The following CDH18 variants were observed in gnomAD, a reference collection of about 807,000 sequenced individuals.
CDH18 encodes cadherin 18.
A neutral mutation model predicts 67.9 loss-of-function variants in CDH18; 31 were observed. The ratio of observed to expected loss-of-function variants is 0.46; its 90% CI spans 0.34 to 0.62. The LOEUF is 0.62. Ranked by LOEUF, CDH18 falls within the 20% of genes least tolerant of loss-of-function variation. The pLI is 0.01. For synonymous variants in CDH18, 362 were observed against 347.2 expected, an observed-to-expected ratio of 1.04 and a Z score of -0.48; for missense variants, 890 against 975.5, an observed-to-expected ratio of 0.91 and a Z score of 1.17.
At chr5:20,418,882 G>A (rs1350056519) in intron 1 of CDH18, among the ~76,000 whole-genome samples, 5 of 152,048 alleles carry the variant, frequency 3.3e-5, no homozygotes, top group Non-Finnish European at 7.4e-5. Context: ...TGAGGGTTGA[G>A]CCCTCATGAA....
At chr5:19,704,312 G>C (rs750320107) in intron 5 of CDH18, among the ~76,000 whole-genome samples, 1 of 152,154 alleles carries the variant, frequency 6.6e-6, no homozygotes, top group Non-Finnish European at 1.5e-5. Context: ...AGTTTGTAAA[G>C]CTCCTGAAGT....
intron 1 of CDH18, among the ~76,000 whole-genome samples, chr5:20,422,435 T>C (rs938260551): frequency 6.6e-6 from 1 of 151,030 alleles, no homozygotes; most frequent in Non-Finnish European, 1.5e-5. Flanking sequence ...TATTAATCTT[T>C]ATAGCCAGGT....
At chr5:19,622,203 T>C (rs1750821067) in intron 5 of CDH18, among the ~76,000 whole-genome samples, 1 of 152,118 alleles carries the variant, frequency 6.6e-6, no homozygotes, top group Non-Finnish European at 1.5e-5. Flanking sequence ...GTCCGCATTG[T>C]AGGGAATTTC....
chr5:20,069,077 A>C (rs1743219402), intron 2 of CDH18, among the ~76,000 whole-genome samples: 1 of 152,114 alleles, frequency 6.6e-6, no homozygotes, highest in African/African-American at 2.4e-5. Flanking sequence ...TTTTCCAGTC[A>C]CATTATTGTT....
At chr5:19,790,898 A>G (rs564325554) in intron 3 of CDH18, among the ~76,000 whole-genome samples, 6 of 152,250 alleles carry the variant, frequency 3.9e-5, no homozygotes, top group African/African-American at 1.2e-4. Context: ...AAGACTCACT[A>G]ACAGAGTGGG....
intron 2 of CDH18, among the ~76,000 whole-genome samples, chr5:20,192,443 G>C (rs528286557): frequency 6.6e-6 from 1 of 152,076 alleles, no homozygotes; most frequent in East Asian, 1.9e-4. Context: ...TGTCCTGAAT[G>C]GTATTGCCTA....
intron 3 of CDH18, among the ~76,000 whole-genome samples, chr5:19,775,278 CT>C (rs1350504694): frequency 6.6e-6 from 1 of 152,142 alleles, no homozygotes; most frequent in African/African-American, 2.4e-5. Context: ...GGAACATGTC[CT>C]TTACCAGCTG....
chr5:19,714,233 A>G (rs895586), intron 5 of CDH18, among the ~76,000 whole-genome samples: 135,574 of 152,124 alleles, frequency 0.89, 62,225 homozygotes, highest in East Asian at 1. Flanking sequence ...CAGTGGCCTC[A>G]CTGGCCAGAG....
intron 5 of CDH18, among the ~76,000 whole-genome samples, chr5:19,651,297 A>G (rs1755539616): frequency 1.3e-5 from 2 of 152,054 alleles, no homozygotes; most frequent in African/African-American, 2.4e-5. Context: ...AAAATATTGT[A>G]GAAATAAAAT....
At chr5:20,326,830 C>G (rs954228591) in intron 1 of CDH18, among the ~76,000 whole-genome samples, 2 of 152,086 alleles carry the variant, frequency 1.3e-5, no homozygotes, top group African/African-American at 4.8e-5. Context: ...CTTGAGCCAC[C>G]GGGCCTGGCC....
chr5:19,492,740 A>G (rs187066652), intron 11 of CDH18, among the ~76,000 whole-genome samples: 1 of 152,246 alleles, frequency 6.6e-6, no homozygotes, highest in East Asian at 1.9e-4. Context: ...TACAATATAT[A>G]TTATAAAAGA....
At chr5:19,720,014 T>A (rs558898141) in intron 5 of CDH18, among the ~76,000 whole-genome samples, 36 of 152,202 alleles carry the variant, frequency 2.4e-4, no homozygotes, top group Non-Finnish European at 4.7e-4. Context: ...TATTTCCATG[T>A]TGGAGCACTC....
At chr5:19,962,369 G>T (rs115707805) in intron 2 of CDH18, among the ~76,000 whole-genome samples, 3 of 8,630 alleles carry the variant, frequency 3.5e-4, no homozygotes, top group African/African-American at 5.1e-4. Context: ...GAGAATAAAC[G>T]TCAAAAAGCA....
At chr5:20,423,907 A>T (rs1270920781) in intron 1 of CDH18, among the ~76,000 whole-genome samples, 2 of 136,046 alleles carry the variant, frequency 1.5e-5, no homozygotes, top group Non-Finnish European at 3.0e-5. Context: ...AGATCGCGCC[A>T]CTGCACTCCA....
intron 2 of CDH18, among the ~76,000 whole-genome samples, chr5:19,875,112 C>T (rs989242561): frequency 2.6e-5 from 4 of 152,304 alleles, no homozygotes; most frequent in African/African-American, 9.6e-5. Context: ...CCATAATCCT[C>T]TTAATAGTAG....
At chr5:19,846,632 T>C (rs746856836) in intron 2 of CDH18, among the ~76,000 whole-genome samples, 47 of 152,122 alleles carry the variant, frequency 3.1e-4, no homozygotes, top group Admixed American at 5.2e-4. Context: ...TATATGTGGG[T>C]TCCACATGAC....
At chr5:19,569,335 T>C (rs983910954) in intron 8 of CDH18, among the ~76,000 whole-genome samples, 1 of 152,174 alleles carries the variant, frequency 6.6e-6, no homozygotes, top group Non-Finnish European at 1.5e-5. Context: ...CTCAATTCAA[T>C]TTTCTTCAGC....
chr5:19,796,050 G>A (rs1433150102), intron 3 of CDH18, among the ~76,000 whole-genome samples: 1 of 151,954 alleles, frequency 6.6e-6, no homozygotes, highest in South Asian at 2.1e-4. Flanking sequence ...GCAAAACAGA[G>A]AGAAAAACTG....
chr5:19,821,271 C>T (rs1358422820), intron 3 of CDH18, among the ~76,000 whole-genome samples: 1 of 152,004 alleles, frequency 6.6e-6, no homozygotes, highest in Non-Finnish European at 1.5e-5. Context: ...GAACTTCTGG[C>T]ATTGAAAAAG....
Sources: gnomAD v4.1 joint callset for allele counts (sites outside exome capture counted in the v4.1 genomes callset) on GRCh38, gnomAD v4.1.1 for gene constraint, MANE v1.5 for transcripts, NCBI Gene and HGNC (gene_info 2026-07-23, HGNC 2026-07-21) for gene names.